Variants in KLHL32 observed in about 807,000 individuals in gnomAD.
KLHL32 encodes kelch like family member 32.
Under a neutral mutation model 64.8 loss-of-function variants are expected in KLHL32, and 35 were observed. The ratio of observed to expected loss-of-function variants is 0.54; its 90% CI spans 0.41 to 0.72. The LOEUF (loss-of-function observed/expected upper bound fraction) is 0.72. Among genes scored for constraint, KLHL32 ranks in the 30% least tolerant of loss-of-function variants. The pLI is 0.00. For synonymous variants in KLHL32, 259 were observed against 281.0 expected (o/e 0.92, Z 0.78); for missense variants, 589 against 768.5 (o/e 0.77, Z 2.76).
intron 7 of KLHL32, among the ~76,000 whole-genome samples, chr6:97,125,988 T>C (rs1002400550): frequency 4.6e-5 from 7 of 152,160 alleles, no homozygotes; most frequent in Non-Finnish European, 8.8e-5. Flanking sequence ...GTAAGTAATC[T>C]AAGAAAAGGG....
intron 3 of KLHL32, among the ~76,000 whole-genome samples, chr6:96,984,940 G>A (rs575382253): frequency 5.5e-4 from 83 of 152,162 alleles, no homozygotes; most frequent in African/African-American, 1.9e-3. Flanking sequence ...TATTTTGCTC[G>A]TTAGTTGATG....
intron 5 of KLHL32, among the ~76,000 whole-genome samples, chr6:97,071,471 C>T (rs551649859): frequency 2.6e-5 from 4 of 152,292 alleles, no homozygotes; most frequent in African/African-American, 9.6e-5. Flanking sequence ...GGCACCCTTC[C>T]CTTCTGCTCA....
chr6:96,932,454 A>C (rs1770029159), intron 1 of KLHL32, among the ~76,000 whole-genome samples: 1 of 151,788 alleles, frequency 6.6e-6, no homozygotes, highest in Non-Finnish European at 1.5e-5. Context: ...TATAGCATTT[A>C]ACTTGACTTT....
chr6:97,068,587 G>A (rs1790185105), intron 5 of KLHL32, among the ~76,000 whole-genome samples: 1 of 152,188 alleles, frequency 6.6e-6, no homozygotes, highest in South Asian at 2.1e-4. Context: ...CAAATAATAG[G>A]AAACTGTTAA....
chr6:96,904,299 G>A, the KLHL32 span, among the ~76,000 whole-genome samples: 4 of 142,998 alleles, frequency 2.8e-5, no homozygotes, highest in Non-Finnish European at 4.5e-5. Flanking sequence ...CCGATATCAG[G>A]CCACTGTACT....
chr6:97,000,418 A>T (rs1778888349), intron 3 of KLHL32, among the ~76,000 whole-genome samples: 1 of 152,184 alleles, frequency 6.6e-6, no homozygotes, highest in South Asian at 2.1e-4. Flanking sequence ...TTTCTTGAGG[A>T]AGCATGTAGT....
Position 96,976,071 on chromosome 6 carries a change from A to T in KLHL32, c.98A>T (p.Asn33Ile). The change falls in exon 3 of 11, where the codon AAT (asparagine) becomes ATT (isoleucine). Residue 33 changes from asparagine (N) to isoleucine (I), a missense_variant. Physicochemically the swap from Asn to Ile is moderately radical, Grantham distance 149. Coordinates refer to ENST00000369261, the MANE Select transcript of KLHL32 (RefSeq NM_052904.4). Reference protein sequence around the residue: ...SHNDSVLAALNQQRSDGILCD... With the variant: ...SHNDSVLAALIQQRSDGILCD... ...AATGACAGTGTCCTGGCAGCGCTGA[A>T]TCAGCAGAGGAGTGATGGCATCCTC... The T allele has an allele frequency of 6.2e-7, 1 of 1,609,512 alleles. No individual in the cohort carries two copies. Among genetic ancestry groups the T allele is most frequent in the Non-Finnish European group, 8.5e-7 (1 of 1,176,916 alleles).
intron 7 of KLHL32, among the ~76,000 whole-genome samples, chr6:97,115,328 T>C (rs933473255): frequency 1.3e-5 from 2 of 152,100 alleles, no homozygotes; most frequent in African/African-American, 4.8e-5. Flanking sequence ...AAACAAAGTT[T>C]GTTTGTTTTT....
At chr6:96,925,571 T>C (rs1769040257) in intron 1 of KLHL32, among the ~76,000 whole-genome samples, 1 of 152,200 alleles carries the variant, frequency 6.6e-6, no homozygotes, top group African/African-American at 2.4e-5. Flanking sequence ...GCAGTTTAGA[T>C]CCCTTCTTCC....
chr6:96,903,561 G>A, the KLHL32 span, among the ~76,000 whole-genome samples: 1 of 152,180 alleles, frequency 6.6e-6, no homozygotes, highest in African/African-American at 2.4e-5. Context: ...GAACTTCAGG[G>A]CCTTTGGGAG....
chr6:97,127,331 G>A (rs1180453763), intron 7 of KLHL32, 73 bp from the exon 8 acceptor site: 7 of 1,244,668 alleles, frequency 5.6e-6, no homozygotes, highest in Middle Eastern at 1.9e-4. Context: ...TCCTTTAATT[G>A]TATCTCATTC....
At chr6:96,969,156 G>A (rs1178995425) in intron 2 of KLHL32, among the ~76,000 whole-genome samples, 1 of 152,050 alleles carries the variant, frequency 6.6e-6, no homozygotes, top group African/African-American at 2.4e-5. Context: ...CTGCTTCATG[G>A]TCCTTGGACC....
At chr6:97,111,075 G>T (rs1797069482) in intron 6 of KLHL32, among the ~76,000 whole-genome samples, 1 of 152,170 alleles carries the variant, frequency 6.6e-6, no homozygotes, top group African/African-American at 2.4e-5. Context: ...TCTGGGACTG[G>T]GTCCAGTCCA....
intron 1 of KLHL32, among the ~76,000 whole-genome samples, chr6:96,938,236 G>A (rs78685873): frequency 0.028 from 4,253 of 152,256 alleles, 84 homozygotes; most frequent in Non-Finnish European, 0.037. Flanking sequence ...GGCCACCAGA[G>A]TAGTGAAGTT....
At chr6:97,032,686 GA>G (rs56151402) in intron 3 of KLHL32, among the ~76,000 whole-genome samples, 26,655 of 151,970 alleles carry the variant, frequency 0.18, 2,794 homozygotes, top group African/African-American at 0.3. Context: ...TGGAAGATCT[GA>G]AAAAAGAACT....
chr6:97,057,423 C>A (rs1478733169), intron 4 of KLHL32, among the ~76,000 whole-genome samples: 2 of 89,592 alleles, frequency 2.2e-5, no homozygotes, highest in East Asian at 6.3e-4. Context: ...ACCTCGTGAT[C>A]CGCCCGTCTC....
At chr6:96,932,840 G>A (rs141173070) in intron 1 of KLHL32, among the ~76,000 whole-genome samples, 38 of 152,132 alleles carry the variant, frequency 2.5e-4, no homozygotes, top group African/African-American at 8.7e-4. Context: ...CAAAGTGCTG[G>A]AATTAGAGAT....
At chr6:97,132,556 C>T in intron 9 of KLHL32, 97 bp from the exon 10 acceptor site, 7 of 871,866 alleles carry the variant, frequency 8.0e-6, no homozygotes, top group Non-Finnish European at 1.3e-5. Context: ...TACAAATGTG[C>T]CACAAAGGAA....
At chr6:97,084,607 C>G (rs968210167) in intron 5 of KLHL32, among the ~76,000 whole-genome samples, 1 of 152,294 alleles carries the variant, frequency 6.6e-6, no homozygotes, top group South Asian at 2.1e-4. Context: ...ATATAAAACT[C>G]TGGATTTTAG....
Sources: allele counts gnomAD v4.1 joint callset (sites outside exome capture counted in the v4.1 genomes callset), GRCh38; gene constraint gnomAD v4.1.1; transcripts MANE v1.5; gene names NCBI Gene and HGNC (gene_info 2026-07-23, HGNC 2026-07-21).